Variants in GAL observed in about 807,000 individuals in gnomAD.
GAL encodes galanin peptides.
GAL carries 14 observed loss-of-function variants against 15.8 expected under a neutral mutation model. The ratio of observed to expected loss-of-function variants is 0.89; its 90% CI spans 0.59 to 1.39. The LOEUF (loss-of-function observed/expected upper bound fraction) is 1.39, where lower values mean the gene tolerates loss of function less well. Among genes scored for constraint, GAL ranks in the 40% most tolerant of loss-of-function variants. The pLI is 0.00. For synonymous variants in GAL, 79 were observed against 73.8 expected (o/e 1.07, Z -0.36); for missense variants, 176 against 170.4 (o/e 1.03, Z -0.18).
At chr11:68,686,918 A>G (rs1945858872) in intron 3 of GAL, among the ~76,000 whole-genome samples, 1 of 152,190 alleles carries the variant, frequency 6.6e-6, no homozygotes, top group African/African-American at 2.4e-5. Flanking sequence ...TTTGACCCCT[A>G]ATTAGAAAAC....
intron 2 of GAL, 88 bp downstream of exon 2, chr11:68,685,092 C>A: frequency 1.1e-6 from 1 of 871,602 alleles, no homozygotes; most frequent in Non-Finnish European, 1.8e-6. Flanking sequence ...AGCCTCCGCC[C>A]TGCCCGCGGG....
chr11:68,685,020 G>T lies in GAL; in HGVS notation c.81+16G>T. The T allele has an allele frequency of 6.4e-7, 1 of 1,554,358 alleles. No individual in the cohort carries two copies. The highest frequency in any genetic ancestry group is 8.8e-7 in the Non-Finnish European group (1 of 1,139,210). On this transcript the variant is annotated intron_variant, in intron 2 of 5. Transcript: ENST00000265643. ...CTGGTCGCCGGTAAGTGCGGGGCGC[G>T]TCTCCTCCGAGCGAAGGGGACATCA... is the stretch of plus-strand genomic sequence containing the variant.
rs1264339808 is a variant in GAL, at chr11:68,684,908, T to A, written c.1-16T>A. On this transcript the variant is annotated splice_polypyrimidine_tract_variant and intron_variant, in intron 1 of 5. Coordinates refer to ENST00000265643, the MANE Select transcript of GAL (RefSeq NM_015973.5). ...ACTCCGGGTTCCGACCCGCCCGCCCTGTCCTTCCCTTCCAGATGGCCCGAG... is the reference window on the plus strand; with the variant it reads ...ACTCCGGGTTCCGACCCGCCCGCCCAGTCCTTCCCTTCCAGATGGCCCGAG... The A allele has an allele frequency of 6.4e-7, 1 of 1,562,780 alleles. No individual in the cohort carries two copies. Among genetic ancestry groups the A allele is most frequent in the Non-Finnish European group, 8.8e-7 (1 of 1,139,128 alleles).
At chr11:68,685,292 C>G (rs1594273761) in intron 2 of GAL, among the ~76,000 whole-genome samples, 1 of 152,376 alleles carries the variant, frequency 6.6e-6, no homozygotes. Flanking sequence ...TCGCCCGTTC[C>G]GCAGGGCTTA....
intron 3 of GAL, 71 bp from the exon 4 acceptor site, chr11:68,687,943 C>T: frequency 3.2e-6 from 3 of 931,904 alleles, no homozygotes; most frequent in Admixed American, 1.7e-5. Context: ...AGCCCTGTGT[C>T]CTTCTTTGGG....
At chr11:68,690,783 A>C in intron 5 of GAL, 134 bp from the exon 6 acceptor site, 2 of 674,000 alleles carry the variant, frequency 3.0e-6, no homozygotes, top group Non-Finnish European at 5.5e-6. Context: ...GTTGTCCCTG[A>C]TTCTGGGTTT....
At chr11:68,688,564 G>A (rs1355019162) in intron 4 of GAL, among the ~76,000 whole-genome samples, 3 of 152,208 alleles carry the variant, frequency 2.0e-5, no homozygotes, top group Non-Finnish European at 2.9e-5. Flanking sequence ...GGGAGGCGGA[G>A]GTTGCAGTGA....
At chr11:68,690,820 C>T (rs1160752874) in intron 5 of GAL, 97 bp from the exon 6 acceptor site, 30 of 801,352 alleles carry the variant, frequency 3.7e-5, no homozygotes, top group South Asian at 2.6e-4. Flanking sequence ...TTACAGAGGA[C>T]GACCACACGC....
chr11:68,686,587 C>G (rs1945855008), intron 3 of GAL, among the ~76,000 whole-genome samples: 1 of 152,222 alleles, frequency 6.6e-6, no homozygotes. Context: ...CGGGGTCACT[C>G]AGAGGACCCC....
At position 68,688,927 on chromosome 11, in the gene GAL, G is replaced by T; in HGVS notation, c.301+1G>T. ...TTTCTGTCTTTCTTGCATCTCAAAGGTATGTGAAATATCATCAACTTAACA... is the reference window on the plus strand; with the variant it reads ...TTTCTGTCTTTCTTGCATCTCAAAGTTATGTGAAATATCATCAACTTAACA... On this transcript the variant is annotated splice_donor_variant, in intron 5 of 5. Transcript: ENST00000265643. LOFTEE classifies it high-confidence loss of function. 6.9e-7 allele frequency: 1 copy of T among 1,447,694 alleles called. No homozygotes were observed. Among genetic ancestry groups the T allele is most frequent in the African/African-American group, 1.4e-5 (1 of 71,984 alleles). The allele number at this position is 1,447,694 out of a possible 1,614,324, so 89.7% of individuals were successfully genotyped here.
intron 2 of GAL, among the ~76,000 whole-genome samples, 188 bp downstream of exon 2, chr11:68,685,192 C>T (rs914738084): frequency 2.0e-5 from 3 of 152,170 alleles, no homozygotes; most frequent in Non-Finnish European, 4.4e-5. Context: ...CCCCCGCGCG[C>T]TTCTCCGAGT....
chr11:68,689,477 G>T (rs1339608072), intron 5 of GAL, among the ~76,000 whole-genome samples: 1 of 151,626 alleles, frequency 6.6e-6, no homozygotes, highest in Admixed American at 6.6e-5. Context: ...GCTCACTGCA[G>T]CCTCTGCCTC....
At chr11:68,688,808 C>G in intron 4 of GAL, 41 bp from the exon 5 acceptor site, 1 of 967,176 alleles carries the variant, frequency 1.0e-6, no homozygotes. Flanking sequence ...CACTGAAGCA[C>G]CCTCTGCACA....
chr11:68,691,052 T>C lies in GAL; in HGVS notation c.*65T>C. On this transcript the variant is annotated 3_prime_UTR_variant, in exon 6 of 6. Transcript: ENST00000265643. Reference sequence around the variant, plus strand: ...AGTCAAACCTTAAGATAATGGATAATCTTCGGCCAATTTATGCAGAGTCAG... The same window carrying C: ...AGTCAAACCTTAAGATAATGGATAACCTTCGGCCAATTTATGCAGAGTCAG... 1 of 997,338 alleles carries C rather than the reference T, an allele frequency of 1.0e-6. No homozygotes were observed. The highest frequency in any genetic ancestry group is 2.4e-5 in the East Asian group (1 of 41,822). 61.8% of individuals were successfully genotyped at this position (997,338 alleles called of 1,614,324 possible). A position where few individuals can be genotyped will look rare whatever the true frequency, so the allele number is the denominator to read the frequency against.
rs777940383 is a variant in GAL, at chr11:68,690,867, CAT to C, written c.302-49_302-48del. 6.1e-5 allele frequency: 70 copies of C among 1,146,584 alleles called. No individual in the cohort carries two copies. In the African/African-American group the frequency reaches 8.4e-4, roughly 14 times the overall value. 71.0% of individuals were successfully genotyped at this position (1,146,584 alleles called of 1,614,324 possible). A position where few individuals can be genotyped will look rare whatever the true frequency, so the allele number is the denominator to read the frequency against. On this transcript the variant is annotated intron_variant, in intron 5 of 5. Coordinates refer to ENST00000265643, the MANE Select transcript of GAL (RefSeq NM_015973.5). ...GCATGTGTCGTGGTTGTAATTCTCTCATGTGCATATTAAGAAGTTGCTGCTCA... is the reference window on the plus strand; with the variant it reads ...GCATGTGTCGTGGTTGTAATTCTCTCGTGCATATTAAGAAGTTGCTGCTCA...
chr11:68,690,639 T>A (rs1945896200), intron 5 of GAL, among the ~76,000 whole-genome samples: 1 of 152,198 alleles, frequency 6.6e-6, no homozygotes, highest in Non-Finnish European at 1.5e-5. Context: ...TGGAAACTCT[T>A]TCCTTAGGAT....
At position 68,691,090 on chromosome 11, in the gene GAL, T is replaced by C; in HGVS notation, c.*103T>C. The C allele has an allele frequency of 1.3e-6, 1 of 756,132 alleles. No homozygotes were observed. The highest frequency in any genetic ancestry group is 2.3e-4 in the Middle Eastern group (1 of 4,338). The allele number at this position is 756,132 out of a possible 1,614,324, so 46.8% of individuals were successfully genotyped here. ...TATGCAGAGTCAGCCATTCCTGTTC[T>C]CTTTGCCTTGATGTTGTGTTGTTAT... is the stretch of plus-strand genomic sequence containing the variant. On this transcript the variant is annotated 3_prime_UTR_variant, in exon 6 of 6. Transcript: ENST00000265643.
In GAL at chr11:68,691,124, ATTT is replaced by A; in HGVS notation, c.*147_*149del. ...TGATGTTGTGTTGTTATCATTTAAG[ATTT>A]TTTTTTTTTGGTAATTATTTTGAGT... On this transcript the variant is annotated 3_prime_UTR_variant, in exon 6 of 6. Transcript: ENST00000265643. 1 of 489,248 alleles carries A rather than the reference ATTT, an allele frequency of 2.0e-6. No homozygotes were observed. 30.3% of individuals were successfully genotyped at this position (489,248 alleles called of 1,614,324 possible).
In GAL at chr11:68,684,627, G is replaced by A. The variant is rs1945831014; in HGVS notation, c.-106G>A. Reference sequence around the variant, plus strand: ...CCGCGCCATGCGGTGAGCGCCCCAGGCCGCCAGAGCCCACCCGACCCGGCC... The same window carrying A: ...CCGCGCCATGCGGTGAGCGCCCCAGACCGCCAGAGCCCACCCGACCCGGCC... On this transcript the variant is annotated 5_prime_UTR_variant, in exon 1 of 6. Coordinates refer to ENST00000265643, the MANE Select transcript of GAL (RefSeq NM_015973.5). 3.4e-6 allele frequency: 1 copy of A among 293,184 alleles called. No individual in the cohort carries two copies. Among genetic ancestry groups the A allele is most frequent in the East Asian group, 5.6e-5 (1 of 18,002 alleles). 18.2% of individuals were successfully genotyped at this position (293,184 alleles called of 1,614,324 possible). A position where few individuals can be genotyped will look rare whatever the true frequency, so the allele number is the denominator to read the frequency against.
Sources: gnomAD v4.1 joint callset for allele counts (sites outside exome capture counted in the v4.1 genomes callset) on GRCh38, gnomAD v4.1.1 for gene constraint, MANE v1.5 for transcripts, NCBI Gene and HGNC (gene_info 2026-07-23, HGNC 2026-07-21) for gene names.